The following NRG3 variants were observed in gnomAD, a reference collection of about 807,000 sequenced individuals.
The protein encoded by NRG3 is pro-neuregulin-3, membrane-bound isoform.
In NRG3, 31 loss-of-function variants were observed where a neutral mutation model predicts 66.9. The ratio of observed to expected loss-of-function variants is 0.46; its 90% CI spans 0.35 to 0.63. The LOEUF (loss-of-function observed/expected upper bound fraction) is 0.63, where lower values mean the gene tolerates loss of function less well. NRG3 is among the 20% of genes least tolerant of loss of function. The pLI is 0.00. For synonymous variants in NRG3, 393 were observed against 359.4 expected (o/e 1.09, Z -1.06); for missense variants, 910 against 878.9 (o/e 1.04, Z -0.45).
chr10:81,877,762 T>C, intron 1 of NRG3: 5 of 1,356,896 alleles, frequency 3.7e-6, no homozygotes, highest in Non-Finnish European at 4.7e-6. Flanking sequence ...TTCTCTCTCC[T>C]TTGGCTGAAG....
In NRG3 at chr10:82,959,071, A is replaced by G. The variant is rs1850357366; in HGVS notation, c.1280A>G (p.Gln427Arg). The G allele has an allele frequency of 6.3e-7, 1 of 1,598,986 alleles. No homozygotes were observed. Among genetic ancestry groups the G allele is most frequent in the Middle Eastern group, 1.7e-4 (1 of 5,938 alleles). ...ENLVKSHVQL[Q>R]NYSKVERHPV... Reference sequence around the variant, plus strand: ...TTGGTGAAGAGCCATGTCCAGCTGCAAAATGTAAGTGACATGTCTACACAC... The same window carrying G: ...TTGGTGAAGAGCCATGTCCAGCTGCGAAATGTAAGTGACATGTCTACACAC... The change falls in exon 6 of 9, where the codon CAA (glutamine) becomes CGA (arginine). Residue 427 changes from glutamine (Q) to arginine (R), a missense_variant. By Grantham distance (43) the Gln-to-Arg change is conservative. Transcript: ENST00000372141.
At chr10:82,630,163 A>C (rs2049716332) in intron 2 of NRG3, among the ~76,000 whole-genome samples, 1 of 152,104 alleles carries the variant, frequency 6.6e-6, no homozygotes, top group Non-Finnish European at 1.5e-5. Flanking sequence ...CACCTCAAGA[A>C]ATGTATTTAA....
intron 2 of NRG3, among the ~76,000 whole-genome samples, chr10:82,365,706 T>C (rs980265036): frequency 1.3e-5 from 2 of 151,966 alleles, no homozygotes; most frequent in Non-Finnish European, 2.9e-5. Context: ...TTAAGTATCA[T>C]GCAAAAAAAC....
chr10:82,066,121 G>A (rs10884120), intron 1 of NRG3, among the ~76,000 whole-genome samples: 3,592 of 152,150 alleles, frequency 0.024, 94 homozygotes, highest in East Asian at 0.12. Flanking sequence ...ACAAGTTAAT[G>A]AGGATATTAA....
chr10:82,074,602 G>A (rs2064990062), intron 1 of NRG3, among the ~76,000 whole-genome samples: 1 of 152,080 alleles, frequency 6.6e-6, no homozygotes, highest in Admixed American at 6.5e-5. Context: ...GGCCCAGGTG[G>A]GAGGAACTCT....
chr10:82,889,396 TGA>T (rs772035369), intron 4 of NRG3, among the ~76,000 whole-genome samples: 77 of 152,126 alleles, frequency 5.1e-4, no homozygotes, highest in Non-Finnish European at 1.0e-3. Context: ...AGGAAGACCT[TGA>T]GAGAAGGAGG....
At chr10:82,293,910 C>T (rs987437159) in intron 1 of NRG3, among the ~76,000 whole-genome samples, 11 of 139,326 alleles carry the variant, frequency 7.9e-5, no homozygotes, top group Admixed American at 3.5e-4. Context: ...TTGTATTTAG[C>T]AAGCATATTT....
At chr10:82,334,715 A>G (rs921095264) in intron 1 of NRG3, among the ~76,000 whole-genome samples, 2 of 152,198 alleles carry the variant, frequency 1.3e-5, no homozygotes, top group African/African-American at 4.8e-5. Flanking sequence ...GTGCTGCAAA[A>G]CGATACAGAG....
intron 2 of NRG3, among the ~76,000 whole-genome samples, chr10:82,408,634 T>A (rs199905626): frequency 0.025 from 1,391 of 55,088 alleles, 10 homozygotes; most frequent in African/African-American, 0.032. Flanking sequence ...ATATATATAT[T>A]ATATATATAT....
At chr10:82,164,787 A>G (rs2071908020) in intron 1 of NRG3, among the ~76,000 whole-genome samples, 1 of 152,198 alleles carries the variant, frequency 6.6e-6, no homozygotes, top group African/African-American at 2.4e-5. Context: ...AAGGAAAGCA[A>G]ATAAGAGTTC....
chr10:81,877,858 G>A (rs1350505574), intron 1 of NRG3: 2 of 1,504,450 alleles, frequency 1.3e-6, no homozygotes, highest in African/African-American at 1.4e-5. Context: ...GAAGGATAAA[G>A]GATTCATGAG....
chr10:82,418,923 A>C (rs2088845010), intron 2 of NRG3, among the ~76,000 whole-genome samples: 4 of 152,130 alleles, frequency 2.6e-5, no homozygotes, highest in Admixed American at 2.6e-4. Flanking sequence ...AAGCCTCACA[A>C]ACTTTTCCTG....
intron 4 of NRG3, among the ~76,000 whole-genome samples, chr10:82,909,775 G>A (rs1405677619): frequency 6.6e-6 from 1 of 152,176 alleles, no homozygotes; most frequent in South Asian, 2.1e-4. Context: ...ATACCTCTAT[G>A]AGTAACAGTG....
At chr10:82,428,093 A>T (rs1050000353) in intron 2 of NRG3, among the ~76,000 whole-genome samples, 1 of 151,838 alleles carries the variant, frequency 6.6e-6, no homozygotes, top group Non-Finnish European at 1.5e-5. Context: ...TTCTGTATTC[A>T]TGGTTAGTCT....
At chr10:82,649,293 G>A (rs2051218206) in intron 2 of NRG3, among the ~76,000 whole-genome samples, 1 of 151,998 alleles carries the variant, frequency 6.6e-6, no homozygotes, top group African/African-American at 2.4e-5. Flanking sequence ...GACAGTTTGG[G>A]GTGGCAGAAT....
intron 1 of NRG3, among the ~76,000 whole-genome samples, chr10:81,910,163 G>A (rs1844992235): frequency 6.6e-6 from 1 of 152,116 alleles, no homozygotes; most frequent in Non-Finnish European, 1.5e-5. Context: ...AGAATCAGTG[G>A]CTGTGAGTCA....
At chr10:82,840,409 TAC>T (rs1442423964) in intron 3 of NRG3, among the ~76,000 whole-genome samples, 1 of 145,624 alleles carries the variant, frequency 6.9e-6, no homozygotes, top group East Asian at 2.0e-4. Flanking sequence ...ATGTTCAACA[TAC>T]ACATTTTTTT....
At chr10:82,750,269 A>G (rs533408909) in intron 3 of NRG3, among the ~76,000 whole-genome samples, 1 of 152,298 alleles carries the variant, frequency 6.6e-6, no homozygotes, top group South Asian at 2.1e-4. Context: ...AATATGATAG[A>G]GCAATTTCAC....
At chr10:82,310,148 G>GT (rs2080948175) in intron 1 of NRG3, among the ~76,000 whole-genome samples, 2 of 152,276 alleles carry the variant, frequency 1.3e-5, no homozygotes, top group African/African-American at 4.8e-5. Context: ...ATCTTTTCAT[G>GT]TAAGAGTGAC....
Sources: allele counts gnomAD v4.1 joint callset (sites outside exome capture counted in the v4.1 genomes callset), GRCh38; gene constraint gnomAD v4.1.1; transcripts MANE v1.5; gene names NCBI Gene and HGNC (gene_info 2026-07-23, HGNC 2026-07-21).